The following MED12L variants were observed in gnomAD, a reference collection of about 807,000 sequenced individuals.
MED12L encodes the protein mediator of RNA polymerase II transcription subunit 12-like protein.
A neutral mutation model predicts 281.3 loss-of-function variants in MED12L; 60 were observed. That is an observed-to-expected ratio of 0.21 (90% confidence interval 0.17 to 0.26). MED12L has a LOEUF of 0.26. Among genes scored for constraint, MED12L ranks in the 10% least tolerant of loss-of-function variants. The pLI is 1.00. For synonymous variants in MED12L, 974 were observed against 987.2 expected, an observed-to-expected ratio of 0.99 and a Z score of 0.25; for missense variants, 2,146 against 2,680.9, an observed-to-expected ratio of 0.80 and a Z score of 4.41.
chr3:151,088,737 C>T (rs1351167857), intron 2 of MED12L, among the ~76,000 whole-genome samples: 5 of 152,158 alleles, frequency 3.3e-5, no homozygotes, highest in African/African-American at 1.2e-4. Context: ...TCTATAACTT[C>T]CTTTTGACTA....
chr3:151,359,910 C>A (rs1032700244), intron 20 of MED12L, among the ~76,000 whole-genome samples: 3 of 152,044 alleles, frequency 2.0e-5, no homozygotes, highest in Admixed American at 6.6e-5. Flanking sequence ...TATTACAAAA[C>A]AGAAGGGGCT....
chr3:151,112,808 AT>A (rs2148717159), intron 2 of MED12L, among the ~76,000 whole-genome samples: 1 of 152,316 alleles, frequency 6.6e-6, no homozygotes, highest in Non-Finnish European at 1.5e-5. Context: ...AGAAACACAA[AT>A]GAAATTACAA....
chr3:151,138,980 T>TCTACCTAC (rs374854260), intron 5 of MED12L, among the ~76,000 whole-genome samples: 1,687 of 142,998 alleles, frequency 0.012, 37 homozygotes, highest in African/African-American at 0.042. Context: ...TTGTCTCTTA[T>TCTACCTAC]CTACCTACCT....
intron 25 of MED12L, among the ~76,000 whole-genome samples, 173 bp from the exon 26 acceptor site, chr3:151,369,263 T>C (rs1249741063): frequency 1.3e-5 from 2 of 152,110 alleles, no homozygotes; most frequent in African/African-American, 2.4e-5. Flanking sequence ...AAGAAAAGGA[T>C]AAGTGAGGAA....
intron 2 of MED12L, among the ~76,000 whole-genome samples, chr3:151,087,989 T>G (rs1307616846): frequency 2.0e-5 from 3 of 152,138 alleles, no homozygotes; most frequent in Non-Finnish European, 2.9e-5. Context: ...CTGACCATAT[T>G]TCAAAACTTA....
chr3:151,217,115 T>A, intron 16 of MED12L, among the ~76,000 whole-genome samples: 1 of 152,174 alleles, frequency 6.6e-6, no homozygotes, highest in South Asian at 2.1e-4. Flanking sequence ...TAATATATAG[T>A]TATATGGTGA....
At position 151,338,479 on chromosome 3, in the gene MED12L, A is replaced by G. The variant is rs757054486; in HGVS notation, c.2251-11580A>G. ...TTAAATGGCCTGGTGGTCTTCTGGT[A>G]GCGATCGATAGTTATCAGTCCCAGG... On this transcript the variant is annotated intron_variant, in intron 16 of 44. Coordinates refer to ENST00000687756, the MANE Select transcript of MED12L (RefSeq NM_001393769.1). 4.3e-6 allele frequency: 7 copies of G among 1,613,980 alleles called. No individual in the cohort carries two copies. In the East Asian group the frequency reaches 6.7e-5, roughly 15 times the overall value.
intron 16 of MED12L, among the ~76,000 whole-genome samples, chr3:151,339,358 A>C (rs1751478836): frequency 6.6e-6 from 1 of 151,944 alleles, no homozygotes; most frequent in South Asian, 2.1e-4. Context: ...TAGAATCCTA[A>C]AGTAATAAAA....
intron 16 of MED12L, among the ~76,000 whole-genome samples, chr3:151,226,747 G>A (rs1211664599): frequency 1.3e-5 from 2 of 152,064 alleles, no homozygotes; most frequent in Non-Finnish European, 2.9e-5. Context: ...CAGATACTGC[G>A]GCATAGAGAA....
intron 16 of MED12L, among the ~76,000 whole-genome samples, chr3:151,247,103 T>G: frequency 6.6e-6 from 1 of 152,068 alleles, no homozygotes; most frequent in Non-Finnish European, 1.5e-5. Context: ...AATTAAAAAG[T>G]CAGGAAACAA....
At chr3:151,137,172 GAA>G (rs776196596) in intron 5 of MED12L, among the ~76,000 whole-genome samples, 19 of 125,704 alleles carry the variant, frequency 1.5e-4, no homozygotes, top group African/African-American at 5.0e-4. Context: ...AAAAAAAAAA[GAA>G]AAAAAAAAAA....
chr3:151,360,323 A>G, intron 20 of MED12L, 151 bp from the exon 21 acceptor site: 1 of 640,690 alleles, frequency 1.6e-6, no homozygotes, highest in Non-Finnish European at 2.6e-6. Context: ...ATTATATTGT[A>G]CTGAGTTATT....
At chr3:151,119,051 C>T (rs1713325835) in intron 3 of MED12L, among the ~76,000 whole-genome samples, 1 of 152,140 alleles carries the variant, frequency 6.6e-6, no homozygotes, top group South Asian at 2.1e-4. Context: ...TTTGTATGCA[C>T]TTTTCCTTAT....
At position 151,365,876 on chromosome 3, in the gene MED12L, C is replaced by G. The variant is rs762882607; in HGVS notation, c.3212C>G (p.Ser1071Cys). The G allele has an allele frequency of 6.2e-7, 1 of 1,611,610 alleles. No homozygotes were observed. The highest frequency in any genetic ancestry group is 1.1e-5 in the South Asian group (1 of 90,772). The change falls in exon 23 of 45, where the codon TCT becomes TGT. Residue 1071 changes from serine (S) to cysteine (C), a missense_variant. Physicochemically the swap from Ser to Cys is moderately radical, Grantham distance 112 (BLOSUM62 -1). This residue lies in a region of MED12L where 404 missense variants were observed against 603.5 expected (regional missense o/e 0.67). Coordinates refer to ENST00000687756, the MANE Select transcript of MED12L (RefSeq NM_001393769.1). ...GRINDIANFS[S>C]ELTACCTVLS... ...ATTAACGACATAGCCAATTTCTCCT[C>G]TGAGCTTACGGCTTGCTGCACTGTT...
chr3:151,348,714 C>T (rs1012828492), intron 16 of MED12L, among the ~76,000 whole-genome samples: 3 of 152,062 alleles, frequency 2.0e-5, no homozygotes, highest in African/African-American at 7.3e-5. Flanking sequence ...CAATGGGAAG[C>T]AGTGGCAAGT....
At chr3:151,429,328 C>T (rs990900117) in intron 43 of MED12L, among the ~76,000 whole-genome samples, 2 of 152,188 alleles carry the variant, frequency 1.3e-5, no homozygotes, top group African/African-American at 4.8e-5. Flanking sequence ...CTTGTTGATG[C>T]CCTCCACACA....
intron 16 of MED12L, among the ~76,000 whole-genome samples, chr3:151,279,689 A>G (rs1334414853): frequency 6.6e-6 from 1 of 152,328 alleles, no homozygotes; most frequent in East Asian, 1.9e-4. Context: ...TAGGTAAATA[A>G]ACTTAAGGAC....
At chr3:151,273,435 G>A (rs1741343755) in intron 16 of MED12L, among the ~76,000 whole-genome samples, 1 of 144,114 alleles carries the variant, frequency 6.9e-6, no homozygotes, top group Non-Finnish European at 1.5e-5. Flanking sequence ...TAGAGACAGA[G>A]TTTCACCATG....
intron 40 of MED12L, among the ~76,000 whole-genome samples, chr3:151,410,394 C>A (rs981148901): frequency 2.6e-5 from 4 of 152,220 alleles, no homozygotes; most frequent in African/African-American, 4.8e-5. Context: ...ACAGGCACTG[C>A]GTCCTTCAGC....
Sources: allele counts gnomAD v4.1 joint callset (sites outside exome capture counted in the v4.1 genomes callset), GRCh38; gene constraint gnomAD v4.1.1; regional missense constraint gnomAD v4.1.1; transcripts MANE v1.5; gene names NCBI Gene and HGNC (gene_info 2026-07-23, HGNC 2026-07-21).